The following B3GALT1 variants were observed in gnomAD, a reference collection of about 807,000 sequenced individuals.
B3GALT1 encodes UDP-Gal:betaGlcNAc beta 1,3-galactosyltransferase, polypeptide 1.
A neutral mutation model predicts 23.2 loss-of-function variants in B3GALT1; 10 were observed. That is an observed-to-expected ratio of 0.43 (90% CI 0.27 to 0.73). B3GALT1 has a LOEUF of 0.73. Among genes scored for constraint, B3GALT1 ranks in the 30% least tolerant of loss-of-function variants. The pLI is 0.21. For synonymous variants in B3GALT1, 156 were observed against 141.5 expected (o/e 1.10, Z -0.73); for missense variants, 299 against 405.4 (o/e 0.74, Z 2.25).
chr2:167,861,262 A>T (rs1015640728), intron 4 of B3GALT1, among the ~76,000 whole-genome samples: 1 of 152,254 alleles, frequency 6.6e-6, no homozygotes, highest in South Asian at 2.1e-4. Context: ...GATGTTTGGT[A>T]GGTTAAGTGT....
intron 2 of B3GALT1, among the ~76,000 whole-genome samples, chr2:167,559,468 C>T (rs996958446): frequency 5.9e-5 from 9 of 152,126 alleles, no homozygotes; most frequent in East Asian, 1.9e-4. Context: ...ATGACTTTGA[C>T]GAGTTGAGAG....
intron 1 of B3GALT1, among the ~76,000 whole-genome samples, chr2:167,304,459 CA>C (rs1696514689): frequency 6.6e-6 from 1 of 152,016 alleles, no homozygotes; most frequent in Non-Finnish European, 1.5e-5. Flanking sequence ...AAATTAGCAC[CA>C]ATAAATCTAA....
rs532835843 is a variant in B3GALT1 at position 167,800,255 on chromosome 2, T to C, written c.-351-18417T>C. Among the ~76,000 whole-genome samples, 4 of 152,294 alleles carry C rather than the reference T, an allele frequency of 2.6e-5. No homozygotes were observed. The South Asian group carries it at 8.3e-4, about 32-fold the overall frequency. ...AGCCCCAGAGGAGAAACATGGAACA[T>C]ACAAGTAGCTCCCAGAATAGCCAGT... On this transcript the variant is annotated intron_variant, in intron 3 of 4. Coordinates refer to ENST00000392690, the MANE Select transcript of B3GALT1 (RefSeq NM_020981.4).
At chr2:167,724,513 CT>C (rs1346675461) in intron 3 of B3GALT1, among the ~76,000 whole-genome samples, 2 of 152,098 alleles carry the variant, frequency 1.3e-5, no homozygotes, top group Non-Finnish European at 2.9e-5. Flanking sequence ...ATCTCTGACC[CT>C]TTACTCTCTT....
At chr2:167,455,768 C>T (rs189328830) in intron 1 of B3GALT1, among the ~76,000 whole-genome samples, 2 of 152,300 alleles carry the variant, frequency 1.3e-5, no homozygotes, top group African/African-American at 4.8e-5. Flanking sequence ...CTGCCTAAGC[C>T]TCCCATAGTG....
chr2:167,571,697 G>T (rs1229094674), intron 2 of B3GALT1, among the ~76,000 whole-genome samples: 1 of 151,830 alleles, frequency 6.6e-6, no homozygotes, highest in African/African-American at 2.4e-5. Context: ...AAAGTAACTA[G>T]CAGTTCTAGT....
intron 1 of B3GALT1, among the ~76,000 whole-genome samples, chr2:167,443,450 A>G (rs200099277): frequency 1.3e-5 from 2 of 152,190 alleles, no homozygotes; most frequent in South Asian, 2.1e-4. Flanking sequence ...CATTGAATCT[A>G]TAAATTACCT....
chr2:167,327,250 C>A lies in B3GALT1; in HGVS notation c.-511+33916C>A, dbSNP rs1397155651. 2.6e-5 allele frequency among the ~76,000 whole-genome samples: 4 copies of A among 151,988 alleles called. 1 individual carries two copies. The highest frequency in any genetic ancestry group is 5.9e-5 in the Non-Finnish European group (4 of 67,980). ...TTCTGGCTCTATTTTGGGTTTCATA[C>A]AAATTTTATTTAGGCTTGTTTTTTC... On this transcript the variant is annotated intron_variant, in intron 1 of 4. Transcript: ENST00000392690.
In B3GALT1 at chr2:167,382,251, G is replaced by A. The variant is rs76334565; in HGVS notation, c.-511+88917G>A. On this transcript the variant is annotated intron_variant, in intron 1 of 4. Coordinates refer to ENST00000392690, the MANE Select transcript of B3GALT1 (RefSeq NM_020981.4). The stretch of plus-strand genomic sequence containing the variant: ...TTGGTAGTCCAATCATAGTTTTGGC[G>A]TGAAAACTCTTCTCATTTCCATTTA... Among the ~76,000 whole-genome samples, 115 of 152,196 alleles carry A rather than the reference G, an allele frequency of 7.6e-4. 1 individual carries two copies. The East Asian group carries it at 0.018, about 24-fold the overall frequency.
chr2:167,795,814 G>A (rs2105334171), intron 3 of B3GALT1, among the ~76,000 whole-genome samples: 1 of 152,330 alleles, frequency 6.6e-6, no homozygotes, highest in South Asian at 2.1e-4. Context: ...TCCAGAAAAT[G>A]AACTTTGAAT....
At chr2:167,473,234 C>G (rs1699442810) in intron 1 of B3GALT1, among the ~76,000 whole-genome samples, 1 of 152,034 alleles carries the variant, frequency 6.6e-6, no homozygotes. Context: ...TAAACATGTC[C>G]TGAGAGAATA....
intron 1 of B3GALT1, among the ~76,000 whole-genome samples, chr2:167,367,168 C>T (rs925482241): frequency 1.3e-5 from 2 of 152,166 alleles, no homozygotes; most frequent in Admixed American, 6.5e-5. Context: ...AGATTTCCAA[C>T]AAGTCACGTA....
intron 2 of B3GALT1, among the ~76,000 whole-genome samples, chr2:167,536,197 G>A (rs970635487): frequency 3.3e-5 from 5 of 152,046 alleles, no homozygotes; most frequent in Non-Finnish European, 5.9e-5. Flanking sequence ...GTGAGCCACC[G>A]CGCCCAGCCA....
In B3GALT1 at chr2:167,709,245, C is replaced by G. The variant is rs188440400; in HGVS notation, c.-352+62279C>G. On this transcript the variant is annotated intron_variant, in intron 3 of 4. Coordinates refer to ENST00000392690, the MANE Select transcript of B3GALT1 (RefSeq NM_020981.4). Reference sequence around the variant, plus strand: ...GTGGTGCCAAAGGGAGGAAGGATAACAAACCCAGATGGAATCCAGAGTCTG... The same window carrying G: ...GTGGTGCCAAAGGGAGGAAGGATAAGAAACCCAGATGGAATCCAGAGTCTG... Among the ~76,000 whole-genome samples the G allele has an allele frequency of 2.1e-3, 327 of 152,284 alleles. 1 individual carries two copies. The highest frequency in any genetic ancestry group is 6.8e-3 in the Middle Eastern group (2 of 294).
chr2:167,332,228 C>A, intron 1 of B3GALT1, among the ~76,000 whole-genome samples: 1 of 152,160 alleles, frequency 6.6e-6, no homozygotes, highest in East Asian at 1.9e-4. Flanking sequence ...CTCACTTCCC[C>A]TTTTCCTGCA....
intron 1 of B3GALT1, among the ~76,000 whole-genome samples, chr2:167,453,403 T>G (rs1199071672): frequency 6.6e-6 from 1 of 152,240 alleles, no homozygotes. Flanking sequence ...TTATTCCCAT[T>G]TATATTTCCT....
intron 2 of B3GALT1, among the ~76,000 whole-genome samples, chr2:167,506,674 G>A (rs1473038565): frequency 1.3e-5 from 2 of 152,152 alleles, no homozygotes; most frequent in Non-Finnish European, 2.9e-5. Context: ...TTCTAATACA[G>A]GAGACACATT....
chr2:167,723,655 C>T (rs996824276), intron 3 of B3GALT1, among the ~76,000 whole-genome samples: 2 of 151,898 alleles, frequency 1.3e-5, no homozygotes, highest in African/African-American at 2.4e-5. Context: ...CTTAGCCCCT[C>T]GAGTAACTGG....
chr2:167,440,840 T>C (rs1698878931), intron 1 of B3GALT1, among the ~76,000 whole-genome samples: 1 of 152,184 alleles, frequency 6.6e-6, no homozygotes, highest in African/African-American at 2.4e-5. Flanking sequence ...TTTGACTTTC[T>C]AGATTCCTAA....
Sources: allele counts gnomAD v4.1 joint callset (sites outside exome capture counted in the v4.1 genomes callset), GRCh38; gene constraint gnomAD v4.1.1; transcripts MANE v1.5; gene names NCBI Gene and HGNC (gene_info 2026-07-23, HGNC 2026-07-21).